The following GAS7 variants were observed in gnomAD, a reference collection of about 807,000 sequenced individuals.
The protein encoded by GAS7 is growth arrest specific 7.
Under a neutral mutation model 71.1 loss-of-function variants are expected in GAS7, and 28 were observed. That is an observed-to-expected ratio of 0.39 (90% CI 0.29 to 0.54). The LOEUF is 0.54. Ranked by LOEUF, GAS7 falls within the 20% of genes least tolerant of loss-of-function variation. GAS7 has a pLI of 0.62. For missense variants in GAS7, 436 were observed against 627.8 expected (o/e 0.69, Z 3.27); for synonymous variants, 258 against 245.8 (o/e 1.05, Z -0.46).
At chr17:10,099,566 T>G (rs2073678678) in intron 1 of GAS7, among the ~76,000 whole-genome samples, 1 of 152,050 alleles carries the variant, frequency 6.6e-6, no homozygotes, top group Non-Finnish European at 1.5e-5. Flanking sequence ...TCCAATGTAC[T>G]TTTTTTTGGA....
chr17:10,009,684 A>G (rs964836206), intron 2 of GAS7, among the ~76,000 whole-genome samples: 3 of 151,484 alleles, frequency 2.0e-5, no homozygotes, highest in Non-Finnish European at 4.4e-5. Context: ...AAAAAAAAAA[A>G]AAAAACCAAA....
intron 11 of GAS7, among the ~76,000 whole-genome samples, chr17:9,924,419 T>C (rs899435635): frequency 6.6e-6 from 1 of 152,128 alleles, no homozygotes; most frequent in Non-Finnish European, 1.5e-5. Context: ...CTGATCCTCC[T>C]GCCTCAGCCT....
chr17:9,965,863 A>G (rs926625784), intron 4 of GAS7, among the ~76,000 whole-genome samples: 1 of 152,032 alleles, frequency 6.6e-6, no homozygotes, highest in South Asian at 2.1e-4. Flanking sequence ...TGAGTGAAGG[A>G]GCGGGGCAGG....
intron 1 of GAS7, among the ~76,000 whole-genome samples, chr17:10,082,700 G>A (rs1027104209): frequency 3.9e-5 from 6 of 152,204 alleles, no homozygotes; most frequent in African/African-American, 1.4e-4. Context: ...AATGTTCACA[G>A]CAGATTTATT....
intron 1 of GAS7, among the ~76,000 whole-genome samples, chr17:10,158,364 G>GGC (rs1349111599): frequency 4.1e-5 from 5 of 120,640 alleles, no homozygotes; most frequent in African/African-American, 1.7e-4. Flanking sequence ...AAAAAAACAA[G>GGC]GCCAGGTGCA....
chr17:10,036,127 C>G (rs1225092761), intron 1 of GAS7, among the ~76,000 whole-genome samples: 1 of 152,202 alleles, frequency 6.6e-6, no homozygotes, highest in African/African-American at 2.4e-5. Flanking sequence ...CCCCAGGTAA[C>G]TAGGGGAGCC....
chr17:9,938,389 T>C (rs2068475218), intron 8 of GAS7, among the ~76,000 whole-genome samples: 1 of 141,838 alleles, frequency 7.1e-6, no homozygotes, highest in South Asian at 2.2e-4. Flanking sequence ...ATGCCTGTAG[T>C]CCCAGCTACT....
At chr17:10,025,641 A>C (rs1345330553) in intron 1 of GAS7, among the ~76,000 whole-genome samples, 1 of 151,668 alleles carries the variant, frequency 6.6e-6, no homozygotes, top group African/African-American at 2.4e-5. Flanking sequence ...ATCAAAAACA[A>C]ATCCCCCCAC....
chr17:10,022,813 T>C (rs1220697501), intron 1 of GAS7, among the ~76,000 whole-genome samples: 2 of 152,100 alleles, frequency 1.3e-5, no homozygotes, highest in African/African-American at 2.4e-5. Context: ...AACAGTCACT[T>C]CTCTGAGGTT....
chr17:10,181,346 C>T (rs575587514), intron 1 of GAS7, among the ~76,000 whole-genome samples: 9 of 139,930 alleles, frequency 6.4e-5, no homozygotes, highest in African/African-American at 2.4e-4. Flanking sequence ...GGTGACAGAG[C>T]AAGACTCCAC....
intron 1 of GAS7, among the ~76,000 whole-genome samples, chr17:10,100,696 G>GT (rs1010406484): frequency 2.0e-5 from 3 of 151,958 alleles, no homozygotes; most frequent in African/African-American, 4.8e-5. Flanking sequence ...GACTTTCCTG[G>GT]TTTTTTTCCC....
intron 12 of GAS7, among the ~76,000 whole-genome samples, chr17:9,918,529 A>G (rs1218137695): frequency 1.3e-5 from 2 of 152,212 alleles, no homozygotes; most frequent in Non-Finnish European, 2.9e-5. Context: ...CAATGCACCC[A>G]TGCAGCCCTG....
intron 1 of GAS7, among the ~76,000 whole-genome samples, chr17:10,173,964 C>T (rs901272823): frequency 6.6e-6 from 1 of 152,160 alleles, no homozygotes; most frequent in Non-Finnish European, 1.5e-5. Context: ...GGAAAACCAG[C>T]TGATCTCTCC....
rs1345525453 is a variant in GAS7, at chr17:9,940,037, G to A, written c.806+89C>T. ...TGGAGAGCTCCCCATCCAAAGTGGG[G>A]CCATGCCAGTGATCAGTGATAGTGG... is the stretch of plus-strand genomic sequence containing the variant. On this transcript the variant is annotated intron_variant, in intron 8 of 13. Transcript: ENST00000432992. 3.6e-6 allele frequency: 3 copies of A among 829,494 alleles called. No individual in the cohort carries two copies. In the East Asian group the frequency reaches 7.3e-5, roughly 20 times the overall value. The allele number at this position is 829,494 out of a possible 1,614,324, so 51.4% of individuals were successfully genotyped here. A position where few individuals can be genotyped will look rare whatever the true frequency, so the allele number is the denominator to read the frequency against.
intron 1 of GAS7, among the ~76,000 whole-genome samples, chr17:10,068,183 G>A (rs1037617553): frequency 6.6e-6 from 1 of 152,100 alleles, no homozygotes; most frequent in Non-Finnish European, 1.5e-5. Flanking sequence ...AGAGGGACAG[G>A]CACCCCCATA....
chr17:10,145,796 C>G (rs374906308), intron 1 of GAS7, among the ~76,000 whole-genome samples: 1 of 152,232 alleles, frequency 6.6e-6, no homozygotes, highest in Non-Finnish European at 1.5e-5. Flanking sequence ...AAGACCCCCC[C>G]AGAAATGAGA....
intron 1 of GAS7, among the ~76,000 whole-genome samples, chr17:10,142,111 C>T (rs2074087318): frequency 6.6e-6 from 1 of 151,488 alleles, no homozygotes; most frequent in African/African-American, 2.4e-5. Context: ...GCCTGTAGTC[C>T]CAGCTGAGGC....
intron 9 of GAS7, among the ~76,000 whole-genome samples, chr17:9,932,435 C>T (rs2068243305): frequency 6.6e-6 from 1 of 152,166 alleles, no homozygotes; most frequent in Non-Finnish European, 1.5e-5. Flanking sequence ...TCTCATGATC[C>T]ACCCACCTCA....
At chr17:10,133,530 C>T (rs7219895) in intron 1 of GAS7, among the ~76,000 whole-genome samples, 139,908 of 152,292 alleles carry the variant, frequency 0.92, 64,344 homozygotes, top group East Asian at 1. Context: ...CATTAATCTA[C>T]GCATTACTCC....
Sources: gnomAD v4.1 joint callset for allele counts (sites outside exome capture counted in the v4.1 genomes callset) on GRCh38, gnomAD v4.1.1 for gene constraint, MANE v1.5 for transcripts, NCBI Gene and HGNC (gene_info 2026-07-23, HGNC 2026-07-21) for gene names.